Variants in CREB3L2 observed in about 807,000 individuals in gnomAD.
CREB3L2 encodes cyclic AMP-responsive element-binding protein 3-like protein 2.
In CREB3L2, 23 loss-of-function variants were observed where a neutral mutation model predicts 57.2. The observed-to-expected ratio is 0.40, with a 90% confidence interval of 0.29 to 0.57. The LOEUF (loss-of-function observed/expected upper bound fraction) is 0.57. Ranked by LOEUF, CREB3L2 falls within the 20% of genes least tolerant of loss-of-function variation. The pLI is 0.42. For synonymous variants in CREB3L2, 268 were observed against 265.1 expected (o/e 1.01, Z -0.11); for missense variants, 628 against 634.7 (o/e 0.99, Z 0.11).
At chr7:137,997,881 C>G (rs1802012672) in intron 1 of CREB3L2, among the ~76,000 whole-genome samples, 1 of 152,148 alleles carries the variant, frequency 6.6e-6, no homozygotes, top group South Asian at 2.1e-4. Context: ...AAGGTTTCTT[C>G]TCACGGTGGT....
At chr7:137,971,025 G>C (rs1332045423) in intron 1 of CREB3L2, among the ~76,000 whole-genome samples, 1 of 152,144 alleles carries the variant, frequency 6.6e-6, no homozygotes, top group Non-Finnish European at 1.5e-5. Flanking sequence ...TCCAACATCA[G>C]CATGAACCTA....
Position 137,878,786 on chromosome 7 carries a change from G to GA in CREB3L2, c.*1689dup, listed in dbSNP as rs2117166991. 4.0e-6 allele frequency: 1 copy of GA among 250,548 alleles called. No homozygotes were observed. The highest frequency in any genetic ancestry group is 1.2e-4 in the South Asian group (1 of 8,256). The allele number at this position is 250,548 out of a possible 1,614,324, so 15.5% of individuals were successfully genotyped here. On this transcript the variant is annotated 3_prime_UTR_variant, in exon 12 of 12. Transcript: ENST00000330387. The stretch of plus-strand genomic sequence containing the variant: ...GGCCTAGACAGACAAGGCAGGGACC[G>GA]ACTTATGAGGTATGACGACAAATGT...
Position 137,905,688 on chromosome 7 carries a change from T to A in CREB3L2, c.915+14A>T, listed in dbSNP as rs1232869737. 1 of 1,613,932 alleles carries A rather than the reference T, an allele frequency of 6.2e-7. No individual in the cohort carries two copies. Among genetic ancestry groups the A allele is most frequent in the Non-Finnish European group, 8.5e-7 (1 of 1,179,858 alleles). On this transcript the variant is annotated intron_variant, in intron 6 of 11. Transcript: ENST00000330387. ...CGTCTCTGCTCTAGAAGTGCCTAGA[T>A]TTGAAGAGCTCACCTTATTCTTGAT... is the stretch of plus-strand genomic sequence containing the variant.
At chr7:137,968,145 G>A (rs950026700) in intron 1 of CREB3L2, among the ~76,000 whole-genome samples, 26 of 150,674 alleles carry the variant, frequency 1.7e-4, no homozygotes, top group East Asian at 7.8e-4. Flanking sequence ...ACCCCATTTT[G>A]GCACACCCCA....
chr7:137,885,611 CA>C, intron 8 of CREB3L2, 109 bp from the exon 9 acceptor site: 2 of 807,100 alleles, frequency 2.5e-6, no homozygotes, highest in Middle Eastern at 2.4e-4. Flanking sequence ...TGCATTTCAA[CA>C]GAGCCCCAAG....
At position 137,975,155 on chromosome 7, in the gene CREB3L2, T is replaced by C. The variant is rs185995522; in HGVS notation, c.102+26449A>G. Reference sequence around the variant, plus strand: ...AGTTACTTTAAAAGATGAAAGGGCATGGAAATTAATATTTCTCTGACATTA... The same window carrying C: ...AGTTACTTTAAAAGATGAAAGGGCACGGAAATTAATATTTCTCTGACATTA... On this transcript the variant is annotated intron_variant, in intron 1 of 11. Transcript: ENST00000330387. Among the ~76,000 whole-genome samples, 537 of 152,332 alleles carry C rather than the reference T, an allele frequency of 3.5e-3. 9 individuals carry two copies. Among genetic ancestry groups the C allele is most frequent in the African/African-American group, 0.012 (500 of 41,574 alleles).
chr7:137,927,730 T>C (rs761508638), intron 2 of CREB3L2, among the ~76,000 whole-genome samples: 24 of 148,036 alleles, frequency 1.6e-4, no homozygotes, highest in Middle Eastern at 3.3e-3. Flanking sequence ...TAGAACATGA[T>C]GGAATTGGGT....
intron 1 of CREB3L2, among the ~76,000 whole-genome samples, chr7:137,949,921 T>C (rs1184978449): frequency 5.9e-5 from 9 of 152,198 alleles, no homozygotes; most frequent in Admixed American, 5.2e-4. Flanking sequence ...TAAGGATCTA[T>C]TGATAAGCTC....
Position 137,882,468 on chromosome 7 carries a change from A to C in CREB3L2, c.1431T>G (p.Ile477Met). The change falls in exon 11 of 12, where the codon ATT (isoleucine) becomes ATG (methionine). Residue 477 changes from isoleucine (I) to methionine (M), a missense_variant. Around this residue, in one of 3 missense-constraint regions of CREB3L2, gnomAD observed 272 missense variants for 242.7 expected, o/e 1.12. Transcript: ENST00000330387. ...TCTCCAGGCTGGTCTCATTCGAGATAATGAAATGGGGAAGATCCACATCCG... is the reference window on the plus strand; with the variant it reads ...TCTCCAGGCTGGTCTCATTCGAGATCATGAAATGGGGAAGATCCACATCCG... ...SRPDVDLPHF[I>M]ISNETSLEKS... The C allele has an allele frequency of 3.1e-6, 5 of 1,613,930 alleles. No individual in the cohort carries two copies. Among genetic ancestry groups the C allele is most frequent in the Non-Finnish European group, 4.2e-6 (5 of 1,179,886 alleles).
At chr7:137,962,164 G>C (rs1051057209) in intron 1 of CREB3L2, among the ~76,000 whole-genome samples, 47 of 152,152 alleles carry the variant, frequency 3.1e-4, no homozygotes, top group African/African-American at 1.1e-3. Context: ...CAAATCCAGG[G>C]ACACTAAACT....
rs1339698098 is a variant in CREB3L2 at position 137,928,370 on chromosome 7, C to T, written c.103-4G>A. On this transcript the variant is annotated splice_polypyrimidine_tract_variant and splice_region_variant and intron_variant, in intron 1 of 11. Transcript: ENST00000330387. ...CATCCAGAAGTTCTGAGAAGTGCTA[C>T]AAGAAACAAAGGAGGAAGAACTCAG... 1 of 1,612,574 alleles carries T rather than the reference C, an allele frequency of 6.2e-7. No homozygotes were observed. Among genetic ancestry groups the T allele is most frequent in the Non-Finnish European group, 8.5e-7 (1 of 1,178,902 alleles).
intron 1 of CREB3L2, among the ~76,000 whole-genome samples, chr7:137,969,425 C>A (rs1010416327): frequency 7.0e-6 from 1 of 142,206 alleles, no homozygotes; most frequent in African/African-American, 2.6e-5. Flanking sequence ...CGGCTCACTG[C>A]AAGCTTCGCC....
intron 1 of CREB3L2, among the ~76,000 whole-genome samples, chr7:137,946,844 C>CTATATAGTTATA (rs1800996142): frequency 1.0e-4 from 3 of 28,892 alleles, no homozygotes; most frequent in Admixed American, 3.8e-4. Context: ...ATATAGTTAT[C>CTATATAGTTATA]TATATAGTTA....
At position 137,940,757 on chromosome 7, in the gene CREB3L2, G is replaced by A. The variant is rs192985189; in HGVS notation, c.103-12391C>T. Among the ~76,000 whole-genome samples the A allele has an allele frequency of 1.6e-4, 24 of 152,296 alleles. 1 individual carries two copies. The highest frequency in any genetic ancestry group is 7.8e-4 in the Admixed American group (12 of 15,304). ...ATGAAGTTTGTGGGAAAAAATGAAC[G>A]GCATGCATGCTTCCTAGAAACCTAT... On this transcript the variant is annotated intron_variant, in intron 1 of 11. Transcript: ENST00000330387.
At chr7:137,943,131 G>T (rs1000744728) in intron 1 of CREB3L2, among the ~76,000 whole-genome samples, 1 of 152,074 alleles carries the variant, frequency 6.6e-6, no homozygotes, top group Admixed American at 6.6e-5. Context: ...ACCCCTCTGG[G>T]TCTCTTTTGT....
chr7:137,881,233 T>C (rs149336555), intron 11 of CREB3L2, among the ~76,000 whole-genome samples: 1 of 152,312 alleles, frequency 6.6e-6, no homozygotes, highest in Non-Finnish European at 1.5e-5. Context: ...ATAATAATGA[T>C]GCCTTACCAC....
chr7:137,953,554 T>C, intron 1 of CREB3L2: 1 of 1,276,208 alleles, frequency 7.8e-7, no homozygotes, highest in Non-Finnish European at 1.0e-6. Flanking sequence ...AGGGGAGAGT[T>C]GGGTGGGTGA....
chr7:137,935,190 G>A (rs1403851931), intron 1 of CREB3L2, among the ~76,000 whole-genome samples: 4 of 152,106 alleles, frequency 2.6e-5, no homozygotes, highest in East Asian at 1.9e-4. Context: ...CAATAGTTCC[G>A]GCCTTGTGTC....
At chr7:137,885,615 G>GC in intron 8 of CREB3L2, 113 bp from the exon 9 acceptor site, 1 of 769,994 alleles carries the variant, frequency 1.3e-6, no homozygotes, top group East Asian at 2.5e-5. Flanking sequence ...TTTCAACAGA[G>GC]CCCCAAGGGA....
Sources: gnomAD v4.1 joint callset for allele counts (sites outside exome capture counted in the v4.1 genomes callset) on GRCh38, gnomAD v4.1.1 for gene constraint, gnomAD v4.1.1 regional missense constraint, MANE v1.5 for transcripts, NCBI Gene and HGNC (gene_info 2026-07-23, HGNC 2026-07-21) for gene names.